Variants in KIF5B observed in about 807,000 individuals in gnomAD.
KIF5B encodes kinesin-1 heavy chain.
KIF5B carries 49 observed loss-of-function variants against 132.8 expected under a neutral mutation model. That is an observed-to-expected ratio of 0.37 (90% CI 0.29 to 0.47). The LOEUF (loss-of-function observed/expected upper bound fraction) is 0.47. Ranked by LOEUF, KIF5B falls within the 20% of genes least tolerant of loss-of-function variation. The pLI is 1.00. For synonymous variants in KIF5B, 355 were observed against 369.4 expected, an observed-to-expected ratio of 0.96 and a Z score of 0.45; for missense variants, 780 against 1,144.0, an observed-to-expected ratio of 0.68 and a Z score of 4.59.
intron 15 of KIF5B, among the ~76,000 whole-genome samples, chr10:32,026,890 G>A (rs1238446122): frequency 6.6e-6 from 1 of 152,154 alleles, no homozygotes; most frequent in Non-Finnish European, 1.5e-5. Context: ...TGATGGTGAA[G>A]GGAAAGCAAG....
At chr10:32,024,400 C>T (rs1398630225) in intron 15 of KIF5B, among the ~76,000 whole-genome samples, 7 of 148,212 alleles carry the variant, frequency 4.7e-5, no homozygotes, top group African/African-American at 1.7e-4. Context: ...GTGATCCGCC[C>T]GCCTCGGCCT....
Position 32,018,584 on chromosome 10 carries a change from T to C in KIF5B, c.2307-22A>G, listed in dbSNP as rs767905316. 6 of 1,530,590 alleles carry C rather than the reference T, an allele frequency of 3.9e-6. No homozygotes were observed. In the African/African-American group the frequency reaches 6.8e-5, roughly 17 times the overall value. The allele number at this position is 1,530,590 out of a possible 1,614,324, so 94.8% of individuals were successfully genotyped here. A position where few individuals can be genotyped will look rare whatever the true frequency, so the allele number is the denominator to read the frequency against. Reference sequence around the variant, plus strand: ...AACCCTAACAGTAGAAGAACAAACATATATTTTCAAATTTTATTCTGTATA... The same window carrying C: ...AACCCTAACAGTAGAAGAACAAACACATATTTTCAAATTTTATTCTGTATA... On this transcript the variant is annotated intron_variant, in intron 20 of 25. Transcript: ENST00000302418.
intron 15 of KIF5B, among the ~76,000 whole-genome samples, chr10:32,025,737 A>G (rs1310816160): frequency 6.6e-6 from 1 of 152,236 alleles, no homozygotes; most frequent in Non-Finnish European, 1.5e-5. Flanking sequence ...GTAACCACAT[A>G]GGTGAATGGA....
chr10:32,037,818 C>T (rs1252701770), intron 6 of KIF5B, among the ~76,000 whole-genome samples: 2 of 151,102 alleles, frequency 1.3e-5, no homozygotes, highest in East Asian at 3.9e-4. Context: ...AGCAACAGAG[C>T]GAGCCTCCAT....
intron 24 of KIF5B, among the ~76,000 whole-genome samples, chr10:32,016,412 C>T (rs1841164705): frequency 6.6e-6 from 1 of 151,908 alleles, no homozygotes; most frequent in African/African-American, 2.4e-5. Flanking sequence ...GCCGAGATCA[C>T]GCCATTGCAC....
Position 32,055,983 on chromosome 10 carries a change from A to G in KIF5B, c.-10T>C, listed in dbSNP as rs1168108092. 1 of 1,601,636 alleles carries G rather than the reference A, an allele frequency of 6.2e-7. No individual in the cohort carries two copies. The highest frequency in any genetic ancestry group is 1.3e-5 in the African/African-American group (1 of 74,988). On this transcript the variant is annotated 5_prime_UTR_variant, in exon 1 of 26. Transcript: ENST00000302418. Reference sequence around the variant, plus strand: ...CGGCCAGGTCCGCCATCTTTCTCGCAGCCGGGGCCGGCGGCCGGGAGCCAC... The same window carrying G: ...CGGCCAGGTCCGCCATCTTTCTCGCGGCCGGGGCCGGCGGCCGGGAGCCAC...
At chr10:32,015,013 T>C (rs924992587) in intron 25 of KIF5B, among the ~76,000 whole-genome samples, 1 of 151,950 alleles carries the variant, frequency 6.6e-6, no homozygotes, top group Non-Finnish European at 1.5e-5. Flanking sequence ...TAATCCCAGT[T>C]TGGGAGGCTG....
In KIF5B at chr10:32,040,769, G is replaced by A. The variant is rs549042381; in HGVS notation, c.215-312C>T. Among the ~76,000 whole-genome samples the A allele has an allele frequency of 2.0e-3, 302 of 151,882 alleles. 1 individual carries two copies. Among genetic ancestry groups the A allele is most frequent in the African/African-American group, 1.6e-3 (66 of 41,428 alleles). ...AGCACTTTGGGAGGCCAAGGCAGGC[G>A]GATCACAAGGTCAGGAGTTCAAGCC... On this transcript the variant is annotated intron_variant, in intron 2 of 25. Coordinates refer to ENST00000302418, the MANE Select transcript of KIF5B (RefSeq NM_004521.3).
At chr10:32,033,733 TG>T in intron 12 of KIF5B, 111 bp downstream of exon 12, 1 of 616,364 alleles carries the variant, frequency 1.6e-6, no homozygotes, top group Non-Finnish European at 2.8e-6. Context: ...TCAAGGAAGA[TG>T]CATAAAGATC....
intron 1 of KIF5B, among the ~76,000 whole-genome samples, chr10:32,049,307 G>C (rs1336095692): frequency 6.6e-6 from 1 of 152,162 alleles, no homozygotes; most frequent in Non-Finnish European, 1.5e-5. Flanking sequence ...TGCTATGAAA[G>C]TGCAATGAGA....
intron 14 of KIF5B, among the ~76,000 whole-genome samples, chr10:32,029,352 T>G (rs1841371208): frequency 6.6e-6 from 1 of 152,244 alleles, no homozygotes; most frequent in Admixed American, 6.5e-5. Context: ...ATGCAAACAT[T>G]CCAAAATCTG....
At chr10:32,023,691 CAGAAT>C (rs958181646) in intron 15 of KIF5B, among the ~76,000 whole-genome samples, 7 of 152,086 alleles carry the variant, frequency 4.6e-5, no homozygotes, top group African/African-American at 1.7e-4. Context: ...GTTAACAGAA[CAGAAT>C]AAAGAGCCCA....
At chr10:32,026,437 C>CAAAAAAAAAAAAAAAAAA (rs71027049) in intron 15 of KIF5B, among the ~76,000 whole-genome samples, 1 of 48,920 alleles carries the variant, frequency 2.0e-5, no homozygotes, top group Non-Finnish European at 3.5e-5. Context: ...GATTCCGTCT[C>CAAAAAAAAAAAAAAAAAA]AAAAAAAAAA....
intron 15 of KIF5B, among the ~76,000 whole-genome samples, chr10:32,027,316 A>G (rs1337023395): frequency 6.6e-6 from 1 of 152,166 alleles, no homozygotes; most frequent in African/African-American, 2.4e-5. Flanking sequence ...TAAGAGTCTT[A>G]GTTTGGTTCT....
At chr10:32,024,064 CAAAAAAAAAAAA>C (rs371018606) in intron 15 of KIF5B, among the ~76,000 whole-genome samples, 1 of 100,082 alleles carries the variant, frequency 1.0e-5, no homozygotes, top group African/African-American at 4.1e-5. Flanking sequence ...AAAAAAAAAA[CAAAAAAAAAAAA>C]ACAAGACACA....
intron 15 of KIF5B, among the ~76,000 whole-genome samples, chr10:32,024,316 G>A (rs1428017584): frequency 4.8e-5 from 7 of 145,356 alleles, no homozygotes; most frequent in African/African-American, 9.9e-5. Flanking sequence ...CACTACGCCC[G>A]GCTAATTTTT....
At chr10:32,042,928 G>A (rs1229064771) in intron 2 of KIF5B, among the ~76,000 whole-genome samples, 1 of 152,066 alleles carries the variant, frequency 6.6e-6, no homozygotes, top group African/African-American at 2.4e-5. Flanking sequence ...AATGAGTCAG[G>A]TTCTAACCAT....
chr10:32,028,687 C>T, intron 14 of KIF5B, 116 bp from the exon 15 acceptor site: 1 of 857,228 alleles, frequency 1.2e-6, no homozygotes, highest in Non-Finnish European at 1.8e-6. Flanking sequence ...GTCTTTTCTG[C>T]TTTCATTTTT....
intron 2 of KIF5B, among the ~76,000 whole-genome samples, chr10:32,045,897 T>C (rs1466979343): frequency 6.6e-6 from 1 of 152,164 alleles, no homozygotes; most frequent in Non-Finnish European, 1.5e-5. Flanking sequence ...AACAGTGTGA[T>C]TGAAATAACT....
Sources: allele counts gnomAD v4.1 joint callset (sites outside exome capture counted in the v4.1 genomes callset), GRCh38; gene constraint gnomAD v4.1.1; transcripts MANE v1.5; gene names NCBI Gene and HGNC (gene_info 2026-07-23, HGNC 2026-07-21).